HECW1: variants seen among roughly 807,000 people sequenced by gnomAD.
The protein encoded by HECW1 is E3 ubiquitin-protein ligase HECW1.
In HECW1, 61 loss-of-function variants were observed where a neutral mutation model predicts 182.3. The ratio of observed to expected loss-of-function variants is 0.33; its 90% CI spans 0.27 to 0.41. The LOEUF (loss-of-function observed/expected upper bound fraction) is 0.41, where lower values mean the gene tolerates loss of function less well. HECW1 is among the 10% of genes least tolerant of loss of function. The pLI, the probability that HECW1 is intolerant of heterozygous loss-of-function variation, is 1.00. For missense variants in HECW1, 1,739 were observed against 2,108.9 expected (o/e 0.82, Z 3.44); for synonymous variants, 859 against 832.6 (o/e 1.03, Z -0.55).
chr7:43,288,941 G>A (rs1342328421), intron 3 of HECW1, among the ~76,000 whole-genome samples: 1 of 152,048 alleles, frequency 6.6e-6, no homozygotes, highest in Non-Finnish European at 1.5e-5. Context: ...GGATATCCAG[G>A]TGCGCTATAC....
intron 2 of HECW1, among the ~76,000 whole-genome samples, chr7:43,215,220 G>A (rs1001808233): frequency 8.5e-5 from 13 of 152,192 alleles, no homozygotes; most frequent in Non-Finnish European, 1.6e-4. Context: ...CTGCCCTTGG[G>A]ACTCCTGGAG....
chr7:43,224,235 C>A (rs1797230029), intron 2 of HECW1, among the ~76,000 whole-genome samples: 1 of 152,224 alleles, frequency 6.6e-6, no homozygotes. Context: ...TGTAAAACAT[C>A]ATGCATTTCT....
At chr7:43,547,486 G>A (rs1406809703) in intron 26 of HECW1, among the ~76,000 whole-genome samples, 1 of 151,886 alleles carries the variant, frequency 6.6e-6, no homozygotes, top group Non-Finnish European at 1.5e-5. Flanking sequence ...GGCAGAGATT[G>A]CAGCAAGCCA....
chr7:43,441,953 T>C (rs1043169782), intron 9 of HECW1, among the ~76,000 whole-genome samples: 1 of 152,206 alleles, frequency 6.6e-6, no homozygotes, highest in Non-Finnish European at 1.5e-5. Flanking sequence ...ATTTTTTGCT[T>C]TACAATGAAT....
intron 5 of HECW1, among the ~76,000 whole-genome samples, chr7:43,323,145 G>A (rs1418316257): frequency 1.3e-5 from 2 of 152,186 alleles, no homozygotes; most frequent in African/African-American, 2.4e-5. Flanking sequence ...GGGAATTTGT[G>A]TTGTAAATTA....
chr7:43,182,239 A>G (rs748791246), intron 2 of HECW1, among the ~76,000 whole-genome samples: 16 of 152,224 alleles, frequency 1.1e-4, no homozygotes, highest in Non-Finnish European at 1.9e-4. Context: ...GTCCAATGTC[A>G]TGAAACATTT....
At chr7:43,450,538 A>G (rs4724206) in intron 11 of HECW1, among the ~76,000 whole-genome samples, 29,641 of 152,174 alleles carry the variant, frequency 0.19, 2,985 homozygotes, top group Middle Eastern at 0.29. Context: ...TTCTGGTGCC[A>G]CTTTCTGATT....
chr7:43,429,297 TATATATATATA>T (rs2076460331), intron 8 of HECW1, among the ~76,000 whole-genome samples: 1 of 13,806 alleles, frequency 7.2e-5, no homozygotes, highest in African/African-American at 3.1e-4. Flanking sequence ...TGCATATATA[TATATATATATA>T]TATATATATA....
At chr7:43,338,318 C>T (rs574879968) in intron 5 of HECW1, among the ~76,000 whole-genome samples, 43 of 152,148 alleles carry the variant, frequency 2.8e-4, no homozygotes, top group African/African-American at 9.9e-4. Context: ...TGTTTTCATA[C>T]TTCATATTCT....
chr7:43,294,327 C>G (rs1805772732), intron 3 of HECW1, among the ~76,000 whole-genome samples: 1 of 152,158 alleles, frequency 6.6e-6, no homozygotes, highest in African/African-American at 2.4e-5. Flanking sequence ...GGGAAGATCT[C>G]CAAGACAATG....
At chr7:43,129,743 G>T (rs545254458) in intron 2 of HECW1, among the ~76,000 whole-genome samples, 2 of 152,154 alleles carry the variant, frequency 1.3e-5, no homozygotes, top group East Asian at 3.9e-4. Context: ...GGTATCCATG[G>T]GGGATTAGTT....
intron 29 of HECW1, among the ~76,000 whole-genome samples, chr7:43,559,165 G>A (rs905537881): frequency 2.0e-4 from 30 of 152,126 alleles, no homozygotes; most frequent in Admixed American, 1.8e-3. Context: ...TAGAGGAGAC[G>A]GGGAGATCAA....
chr7:43,332,738 T>G (rs1251237547), intron 5 of HECW1, among the ~76,000 whole-genome samples: 1 of 152,198 alleles, frequency 6.6e-6, no homozygotes, highest in Non-Finnish European at 1.5e-5. Flanking sequence ...GGGGTAAGGC[T>G]ACTGTCCTGA....
rs983746758 is a variant in HECW1 at position 43,500,796 on chromosome 7, C to G, written c.3521+14C>G. 6.2e-7 allele frequency: 1 copy of G among 1,606,594 alleles called. No individual in the cohort carries two copies. ...CATTTTGCTGAGGTAGGGGGCTAGG[C>G]CTGAAATCCTTCTGGAAAAGCTTCC... On this transcript the variant is annotated intron_variant, in intron 20 of 29. Transcript: ENST00000395891.
At chr7:43,542,735 G>A (rs554582360) in intron 26 of HECW1, among the ~76,000 whole-genome samples, 1 of 152,230 alleles carries the variant, frequency 6.6e-6, no homozygotes, top group East Asian at 1.9e-4. Flanking sequence ...TAGATCATGT[G>A]GTAATGGGAT....
chr7:43,158,181 A>G (rs1382167053), intron 2 of HECW1, among the ~76,000 whole-genome samples: 2 of 152,222 alleles, frequency 1.3e-5, no homozygotes, highest in African/African-American at 2.4e-5. Flanking sequence ...TCTTACAACC[A>G]CATTGCTTCC....
At chr7:43,358,490 G>A (rs1279128159) in intron 5 of HECW1, among the ~76,000 whole-genome samples, 3 of 152,150 alleles carry the variant, frequency 2.0e-5, no homozygotes, top group African/African-American at 7.2e-5. Context: ...AGGCATATCT[G>A]AAGTAAGAAC....
intron 2 of HECW1, among the ~76,000 whole-genome samples, chr7:43,198,857 C>T (rs1246452281): frequency 1.3e-5 from 2 of 152,192 alleles, no homozygotes; most frequent in Non-Finnish European, 2.9e-5. Context: ...CCATGTTCTT[C>T]TCCCAGGAGA....
At chr7:43,148,942 G>A (rs1326926804) in intron 2 of HECW1, 2 of 152,038 alleles carry the variant, frequency 1.3e-5, no homozygotes, top group African/African-American at 2.4e-5. Flanking sequence ...AGCCCTGAAA[G>A]TAAATGAGTC....
Sources: allele counts gnomAD v4.1 joint callset (sites outside exome capture counted in the v4.1 genomes callset), GRCh38; gene constraint gnomAD v4.1.1; transcripts MANE v1.5; gene names NCBI Gene and HGNC (gene_info 2026-07-23, HGNC 2026-07-21).